SIPA1L2: variants seen among roughly 807,000 people sequenced by gnomAD.
SIPA1L2 encodes signal induced proliferation associated 1 like 2, also known as signal-induced proliferation-associated 1-like protein 2.
SIPA1L2 carries 56 observed loss-of-function variants against 163.9 expected under a neutral mutation model. The ratio of observed to expected loss-of-function variants is 0.34; its 90% CI spans 0.28 to 0.43. The LOEUF is 0.43. Ranked by LOEUF, SIPA1L2 falls within the 20% of genes least tolerant of loss-of-function variation. The probability of loss-of-function intolerance (pLI) is 1.00; values close to 1 mark genes in which losing one functional copy is unlikely to be tolerated. For synonymous variants in SIPA1L2, 877 were observed against 865.7 expected (o/e 1.01, Z -0.23); for missense variants, 1,974 against 2,193.5 (o/e 0.90, Z 2.00).
intron 1 of SIPA1L2, among the ~76,000 whole-genome samples, chr1:232,613,031 G>A (rs1036946486): frequency 1.3e-5 from 2 of 152,142 alleles, no homozygotes; most frequent in African/African-American, 4.8e-5. Flanking sequence ...AGATCTGATG[G>A]TTTTCATCAA....
In SIPA1L2 at chr1:232,525,221, GAAT is replaced by G. The variant is rs1667639158; in HGVS notation, c.-269-9616_-269-9614del. ...TCCTATGCAACAGAAATTTTTGTTA[GAAT>G]AATAATAGCTTTTTTTTTTTTTTTT... On this transcript the variant is annotated intron_variant, in intron 2 of 22. Transcript: ENST00000674635. Among the ~76,000 whole-genome samples the G allele has an allele frequency of 2.1e-5, 3 of 140,036 alleles. No individual in the cohort carries two copies. In the South Asian group the frequency reaches 7.1e-4, roughly 33 times the overall value. The allele number at this position is 140,036 out of a possible 152,430, so 91.9% of individuals were successfully genotyped here. A position where few individuals can be genotyped will look rare whatever the true frequency, so the allele number is the denominator to read the frequency against.
chr1:232,580,057 A>G (rs1197992317), intron 1 of SIPA1L2, among the ~76,000 whole-genome samples: 1 of 152,238 alleles, frequency 6.6e-6, no homozygotes, highest in Non-Finnish European at 1.5e-5. Flanking sequence ...GGGCTGCTCA[A>G]CTGAGTATAC....
intron 5 of SIPA1L2, among the ~76,000 whole-genome samples, chr1:232,488,796 C>A (rs1665777007): frequency 6.6e-6 from 1 of 152,168 alleles, no homozygotes; most frequent in African/African-American, 2.4e-5. Flanking sequence ...ACTACAAAGA[C>A]ATTCGAAAGG....
rs1277011525 is a variant in SIPA1L2, at chr1:232,514,730, A to T, written c.610T>A (p.Ser204Thr). The change falls in exon 3 of 23, where the codon TCT becomes ACT. Residue 204 changes from serine (S) to threonine (T), a missense_variant. Physicochemically the swap from Ser to Thr is moderately conservative, Grantham distance 58. Around this residue, in one of 3 missense-constraint regions of SIPA1L2, gnomAD observed 607 missense variants for 624.0 expected, o/e 0.97. Coordinates refer to ENST00000674635, the MANE Select transcript of SIPA1L2 (RefSeq NM_020808.5). ...AGCATAGCAAAAAAGTTTTCACCAGATAAGCCTTGCCTGTCGATGGATGAA... is the reference window on the plus strand; with the variant it reads ...AGCATAGCAAAAAAGTTTTCACCAGTTAAGCCTTGCCTGTCGATGGATGAA... ...STSSIDRQGLSGENFFAMLRG... is the reference protein window; with the variant it reads ...STSSIDRQGLTGENFFAMLRG... The T allele has an allele frequency of 6.2e-7, 1 of 1,614,060 alleles. No individual in the cohort carries two copies. The highest frequency in any genetic ancestry group is 1.3e-5 in the African/African-American group (1 of 74,932).
intron 1 of SIPA1L2, among the ~76,000 whole-genome samples, chr1:232,579,103 GACAA>G (rs1270392182): frequency 6.6e-6 from 1 of 152,186 alleles, no homozygotes; most frequent in Non-Finnish European, 1.5e-5. Flanking sequence ...CAGATTTGCA[GACAA>G]ACAGAGGTCT....
intron 2 of SIPA1L2, among the ~76,000 whole-genome samples, chr1:232,534,930 T>C (rs970912693): frequency 3.3e-5 from 5 of 152,240 alleles, no homozygotes; most frequent in African/African-American, 1.2e-4. Context: ...GGAGTATCTG[T>C]TAGGCTTTGA....
intron 3 of SIPA1L2, among the ~76,000 whole-genome samples, chr1:232,513,353 T>C (rs766996157): frequency 1.3e-5 from 2 of 152,244 alleles, no homozygotes; most frequent in Non-Finnish European, 2.9e-5. Flanking sequence ...ACAAAATTTG[T>C]CTGTTGTGGT....
intron 6 of SIPA1L2, among the ~76,000 whole-genome samples, chr1:232,481,239 G>A (rs1665338850): frequency 6.6e-6 from 1 of 152,164 alleles, no homozygotes; most frequent in Admixed American, 6.6e-5. Flanking sequence ...ACGTGGCTCT[G>A]GATGTGAGCA....
At chr1:232,451,554 T>C (rs1454012161) in intron 10 of SIPA1L2, among the ~76,000 whole-genome samples, 1 of 152,198 alleles carries the variant, frequency 6.6e-6, no homozygotes, top group African/African-American at 2.4e-5. Context: ...GCTCAACCCG[T>C]GTGTAACTGC....
chr1:232,574,537 T>C (rs1159260669), intron 1 of SIPA1L2, among the ~76,000 whole-genome samples: 1 of 152,230 alleles, frequency 6.6e-6, no homozygotes, highest in Non-Finnish European at 1.5e-5. Context: ...CATTACTTTT[T>C]CTGTTTTGAA....
In SIPA1L2 at chr1:232,403,490, C is replaced by T. The variant is rs756157794; in HGVS notation, c.4898G>A (p.Cys1633Tyr). The T allele has an allele frequency of 2.5e-6, 4 of 1,614,116 alleles. No individual in the cohort carries two copies. Among genetic ancestry groups the T allele is most frequent in the East Asian group, 2.2e-5 (1 of 44,880 alleles). The change falls in exon 21 of 23, where the codon TGT (cysteine) becomes TAT (tyrosine). Residue 1633 changes from cysteine (C) to tyrosine (Y), a missense_variant. Physicochemically the swap from Cys to Tyr is radical, Grantham distance 194. Coordinates refer to ENST00000674635, the MANE Select transcript of SIPA1L2 (RefSeq NM_020808.5). Reference protein sequence around the residue: ...DLEGAQELPLCVDPGSGKEFM... With the variant: ...DLEGAQELPLYVDPGSGKEFM... Reference sequence around the variant, plus strand: ...CTCTTTGCCACTGCCTGGATCTACACATAAGGGCAGCTCTTGGGCCCCTTC... The same window carrying T: ...CTCTTTGCCACTGCCTGGATCTACATATAAGGGCAGCTCTTGGGCCCCTTC...
intron 4 of SIPA1L2, 115 bp downstream of exon 4, chr1:232,493,412 A>T: frequency 7.7e-7 from 1 of 1,291,012 alleles, no homozygotes; most frequent in Non-Finnish European, 1.1e-6. Flanking sequence ...TAAATGTTGC[A>T]ATCATTAACA....
At chr1:232,461,784 C>T (rs1057226336) in intron 9 of SIPA1L2, among the ~76,000 whole-genome samples, 1 of 152,194 alleles carries the variant, frequency 6.6e-6, no homozygotes, top group South Asian at 2.1e-4. Context: ...ATGTTCTCTA[C>T]GCACCAGCCC....
At position 232,571,939 on chromosome 1, in the gene SIPA1L2, A is replaced by T. The variant is rs149852702; in HGVS notation, c.-270+2235T>A. Among the ~76,000 whole-genome samples the T allele has an allele frequency of 1.6e-3, 245 of 152,318 alleles. 6 individuals carry two copies. The East Asian group carries it at 0.041, about 26-fold the overall frequency. The stretch of plus-strand genomic sequence containing the variant: ...TTTTCTTTGTAAATTATCCAGCCTC[A>T]GGTATTTCTTTATAGCAACACAAAA... On this transcript the variant is annotated intron_variant, in intron 2 of 22. Coordinates refer to ENST00000674635, the MANE Select transcript of SIPA1L2 (RefSeq NM_020808.5).
chr1:232,547,820 A>G (rs989793707), intron 2 of SIPA1L2, among the ~76,000 whole-genome samples: 1 of 152,108 alleles, frequency 6.6e-6, no homozygotes, highest in Non-Finnish European at 1.5e-5. Flanking sequence ...CAAATCCCTC[A>G]AGCTTTAAGC....
At chr1:232,554,042 C>T (rs1188452780) in intron 2 of SIPA1L2, among the ~76,000 whole-genome samples, 1 of 152,190 alleles carries the variant, frequency 6.6e-6, no homozygotes, top group Non-Finnish European at 1.5e-5. Flanking sequence ...TAAACTACTG[C>T]AGGAGGCAAG....
chr1:232,624,331 C>T (rs1182355432), intron 1 of SIPA1L2, among the ~76,000 whole-genome samples: 1 of 152,206 alleles, frequency 6.6e-6, no homozygotes, highest in Non-Finnish European at 1.5e-5. Context: ...TTAGAAACTT[C>T]AATACGGAGA....
chr1:232,490,697 ATAATGGCATCAT>A, intron 5 of SIPA1L2, 165 bp downstream of exon 5: 1 of 670,066 alleles, frequency 1.5e-6, no homozygotes, highest in Non-Finnish European at 2.4e-6. Context: ...GTGTTATACT[ATAATGGCATCAT>A]GTTTCCAAAC....
At chr1:232,588,276 G>C (rs779163486) in intron 1 of SIPA1L2, among the ~76,000 whole-genome samples, 5 of 152,136 alleles carry the variant, frequency 3.3e-5, no homozygotes, top group Non-Finnish European at 5.9e-5. Context: ...TGGTTATTCC[G>C]ACAAGGCTAT....
Sources: gnomAD v4.1 joint callset for allele counts (sites outside exome capture counted in the v4.1 genomes callset) on GRCh38, gnomAD v4.1.1 for gene constraint, gnomAD v4.1.1 regional missense constraint, MANE v1.5 for transcripts, NCBI Gene and HGNC (gene_info 2026-07-23, HGNC 2026-07-21) for gene names.